The following EIF2S3 variants were observed in gnomAD, a reference collection of about 807,000 sequenced individuals.
EIF2S3 encodes the protein eukaryotic translation initiation factor 2 subunit 3.
In EIF2S3, 2 loss-of-function variants were observed where a neutral mutation model predicts 31.7. That is an observed-to-expected ratio of 0.06 (90% CI 0.03 to 0.20). EIF2S3 has a LOEUF of 0.20. Among genes scored for constraint, EIF2S3 ranks in the 10% least tolerant of loss-of-function variants. The probability of loss-of-function intolerance (pLI) is 1.00; values close to 1 mark genes in which losing one functional copy is unlikely to be tolerated. For missense variants in EIF2S3, 96 were observed against 359.3 expected, an observed-to-expected ratio of 0.27 and a Z score of 5.92; for synonymous variants, 120 against 126.7, an observed-to-expected ratio of 0.95 and a Z score of 0.36.
At chrX:24,055,803 A>G in intron 2 of EIF2S3, 125 bp downstream of exon 2, 1 of 671,069 alleles carries the variant, frequency 1.5e-6, no homozygotes, top group Non-Finnish European at 2.3e-6. Flanking sequence ...GTCCTTGTGA[A>G]TAAAGCATCT....
At chrX:24,063,665 T>C (rs1032901743) in intron 6 of EIF2S3, among the ~76,000 whole-genome samples, 1 of 110,413 alleles carries the variant, frequency 9.1e-6, no homozygotes, top group African/African-American at 3.3e-5. Flanking sequence ...CCAGCTATTA[T>C]GTAGGAGGCT....
chrX:24,066,241 G>T, intron 8 of EIF2S3, 149 bp downstream of exon 8: 1 of 389,827 alleles, frequency 2.6e-6, no homozygotes. Context: ...ATTTGATGTA[G>T]AGTTCTCTTT....
At chrX:24,076,360 C>A (rs1305448403) in intron 11 of EIF2S3, among the ~76,000 whole-genome samples, 2 of 110,778 alleles carry the variant, frequency 1.8e-5, no homozygotes, top group Non-Finnish European at 3.8e-5. Context: ...AGTGAAACCC[C>A]ATCTCTACTA....
chrX:24,070,565 C>G (rs1016138011), intron 9 of EIF2S3, among the ~76,000 whole-genome samples: 5 of 103,146 alleles, frequency 4.8e-5, no homozygotes, highest in East Asian at 3.2e-4. Context: ...GTTAGCCTCT[C>G]GAGTAGCTGG....
intron 5 of EIF2S3, 98 bp from the exon 6 acceptor site, chrX:24,062,318 C>A: frequency 1.0e-6 from 1 of 969,813 alleles, no homozygotes; most frequent in Non-Finnish European, 1.4e-6. Context: ...CAGCCCCTTG[C>A]AACCCATAAT....
chrX:24,070,441 T>TTG (rs1301039721), intron 9 of EIF2S3, among the ~76,000 whole-genome samples: 4 of 70,535 alleles, frequency 5.7e-5, no homozygotes, highest in African/African-American at 2.6e-4. Context: ...CATATGTAGT[T>TTG]TTTTTTTTTT....
At chrX:24,055,473 A>G (rs973852695) in intron 1 of EIF2S3, 142 bp from the exon 2 acceptor site, 8 of 570,327 alleles carry the variant, frequency 1.4e-5, no homozygotes, top group African/African-American at 1.3e-4. Context: ...ATAGGAGTAC[A>G]AAGTTACTGA....
chrX:24,058,541 T>TTTC (rs1569277883), intron 4 of EIF2S3, among the ~76,000 whole-genome samples: 1 of 83,912 alleles, frequency 1.2e-5, no homozygotes, highest in Non-Finnish European at 2.3e-5. Context: ...TCTTTCTTTT[T>TTTC]TTTTTTTTTT....
chrX:24,065,056 C>T (rs1224591911), intron 7 of EIF2S3, among the ~76,000 whole-genome samples: 1 of 111,629 alleles, frequency 9.0e-6, no homozygotes, highest in African/African-American at 3.3e-5. Flanking sequence ...GTAGCCTTCT[C>T]GAAACAGACA....
chrX:24,059,794 A>G (rs1249877009), intron 4 of EIF2S3, among the ~76,000 whole-genome samples: 1 of 111,812 alleles, frequency 8.9e-6, no homozygotes, highest in Non-Finnish European at 1.9e-5. Flanking sequence ...TTAGCTTTCA[A>G]ATCAATGACA....
chrX:24,065,073 C>T (rs1482618675), intron 7 of EIF2S3, among the ~76,000 whole-genome samples: 2 of 111,618 alleles, frequency 1.8e-5, no homozygotes, highest in Non-Finnish European at 3.8e-5. Flanking sequence ...GACATTTGAG[C>T]TCCTCTGGCT....
At chrX:24,058,536 C>CTTTTTTTTTTTTT (rs1183377998) in intron 4 of EIF2S3, among the ~76,000 whole-genome samples, 5 of 83,074 alleles carry the variant, frequency 6.0e-5, no homozygotes, top group Non-Finnish European at 8.8e-5. Flanking sequence ...TTTTTTCTTT[C>CTTTTTTTTTTTTT]TTTTTTTTTT....
In EIF2S3 at chrX:24,077,454, T is replaced by G. The variant is rs1930773470; in HGVS notation, c.*669T>G. 1 of 112,194 alleles carries G rather than the reference T, an allele frequency of 8.9e-6. No homozygotes were observed. The highest frequency in any genetic ancestry group is 1.9e-5 in the Non-Finnish European group (1 of 53,293). The allele number at this position is 112,194 out of a possible 1,213,427, so 9.2% of individuals were successfully genotyped here. A position where few individuals can be genotyped will look rare whatever the true frequency, so the allele number is the denominator to read the frequency against. On this transcript the variant is annotated 3_prime_UTR_variant, in exon 12 of 12. Transcript: ENST00000253039. ...TCACTGAACCTGTTTGAAATAAAGT[T>G]TTTTTTCTTTTTCATGATTCGTCTT...
chrX:24,058,868 C>T (rs895521019), intron 4 of EIF2S3, among the ~76,000 whole-genome samples: 1 of 110,791 alleles, frequency 9.0e-6, no homozygotes, highest in African/African-American at 3.3e-5. Context: ...GGATTACAGG[C>T]GTGAGCCACT....
At chrX:24,065,730 C>T (rs1930562162) in intron 7 of EIF2S3, among the ~76,000 whole-genome samples, 1 of 112,144 alleles carries the variant, frequency 8.9e-6, no homozygotes, top group Non-Finnish European at 1.9e-5. Flanking sequence ...CAGATCATTA[C>T]ATATAGCTCT....
At chrX:24,067,493 C>CTTTTT (rs11375396) in intron 8 of EIF2S3, among the ~76,000 whole-genome samples, 3 of 82,705 alleles carry the variant, frequency 3.6e-5, no homozygotes, top group African/African-American at 9.0e-5. Context: ...TCGTTCACAT[C>CTTTTT]TTTTTTTTTT....
chrX:24,062,698 C>A, intron 6 of EIF2S3, 124 bp downstream of exon 6: 1 of 738,100 alleles, frequency 1.4e-6, no homozygotes, highest in Non-Finnish European at 1.9e-6. Context: ...AGTCTTAAGC[C>A]TTATCGCCCT....
chrX:24,058,561 C>G (rs1255674677), intron 4 of EIF2S3, among the ~76,000 whole-genome samples: 2 of 71,773 alleles, frequency 2.8e-5, no homozygotes. Flanking sequence ...TTTTTTGAGA[C>G]AGTCTCTGTT....
At chrX:24,057,779 C>G (rs376466811) in intron 4 of EIF2S3, 25 bp downstream of exon 4, 3 of 1,184,396 alleles carry the variant, frequency 2.5e-6, no homozygotes, top group Non-Finnish European at 3.4e-6. Flanking sequence ...GCTACAAACA[C>G]TACACTTTAT....
Sources: gnomAD v4.1 joint callset for allele counts (sites outside exome capture counted in the v4.1 genomes callset) on GRCh38, gnomAD v4.1.1 for gene constraint, MANE v1.5 for transcripts, NCBI Gene and HGNC (gene_info 2026-07-23, HGNC 2026-07-21) for gene names.